The following C2CD2 variants were observed in gnomAD, a reference collection of about 807,000 sequenced individuals.
The protein encoded by C2CD2 is C2 calcium dependent domain containing 2.
Under a neutral mutation model 74.3 loss-of-function variants are expected in C2CD2, and 43 were observed. The ratio of observed to expected loss-of-function variants is 0.58; its 90% CI spans 0.45 to 0.75. The LOEUF (loss-of-function observed/expected upper bound fraction) is 0.75. C2CD2 is among the 30% of genes least tolerant of loss of function. The probability of loss-of-function intolerance (pLI) is 0.00; values close to 1 mark genes in which losing one functional copy is unlikely to be tolerated. For synonymous variants in C2CD2, 422 were observed against 390.7 expected, an observed-to-expected ratio of 1.08 and a Z score of -0.94; for missense variants, 801 against 916.3, an observed-to-expected ratio of 0.87 and a Z score of 1.63.
At chr21:41,935,386 T>C (rs1304784372) in intron 2 of C2CD2, among the ~76,000 whole-genome samples, 2 of 152,248 alleles carry the variant, frequency 1.3e-5, no homozygotes. Context: ...TAAATATTCT[T>C]CTGTGTCTTT....
At chr21:41,940,447 G>A (rs1357198950) in intron 2 of C2CD2, among the ~76,000 whole-genome samples, 1 of 152,184 alleles carries the variant, frequency 6.6e-6, no homozygotes, top group African/African-American at 2.4e-5. Context: ...TGGGGTGAAG[G>A]GGCTGGCAGC....
chr21:41,949,908 T>G (rs1421128164), intron 1 of C2CD2, among the ~76,000 whole-genome samples: 2 of 152,174 alleles, frequency 1.3e-5, no homozygotes, highest in Non-Finnish European at 2.9e-5. Flanking sequence ...AAACACCGCA[T>G]GTTCTCACTC....
chr21:41,916,250 A>AT (rs2065089199), intron 5 of C2CD2, among the ~76,000 whole-genome samples: 1 of 152,010 alleles, frequency 6.6e-6, no homozygotes, highest in African/African-American at 2.4e-5. Flanking sequence ...TGACTGGGCC[A>AT]TGGGGTGCCC....
At chr21:41,950,361 G>A (rs2065440366) in intron 1 of C2CD2, among the ~76,000 whole-genome samples, 1 of 152,184 alleles carries the variant, frequency 6.6e-6, no homozygotes, top group Admixed American at 6.5e-5. Context: ...AGGCAGATCA[G>A]CAATGGTTTC....
chr21:41,917,810 C>G (rs956523544), intron 5 of C2CD2, among the ~76,000 whole-genome samples: 3 of 152,146 alleles, frequency 2.0e-5, no homozygotes, highest in East Asian at 1.9e-4. Context: ...GGGCAATGTT[C>G]TCAACACTGG....
Position 41,937,184 on chromosome 21 carries a change from C to A in C2CD2, c.378+4963G>T, listed in dbSNP as rs984692028. 4.0e-5 allele frequency among the ~76,000 whole-genome samples: 6 copies of A among 151,538 alleles called. No homozygotes were observed. The East Asian group carries it at 9.7e-4, about 25-fold the overall frequency. On this transcript the variant is annotated intron_variant, in intron 2 of 13. Transcript: ENST00000380486. Reference sequence around the variant, plus strand: ...CCAGGCTAGAGTGCAGTGGCTTGATCTCGGCTCACTGCAACCTCCGCCTCC... The same window carrying A: ...CCAGGCTAGAGTGCAGTGGCTTGATATCGGCTCACTGCAACCTCCGCCTCC...
chr21:41,896,513 G>A (rs1318371327), intron 13 of C2CD2, among the ~76,000 whole-genome samples: 1 of 152,028 alleles, frequency 6.6e-6, no homozygotes, highest in Admixed American at 6.5e-5. Context: ...CAGCTCAGTG[G>A]TGCTGAGTAT....
rs375513704 is a variant in C2CD2, at chr21:41,911,548, T to C, written c.953+784A>G. Among the ~76,000 whole-genome samples, 661 of 152,128 alleles carry C rather than the reference T, an allele frequency of 4.3e-3. 5 individuals carry two copies. Among genetic ancestry groups the C allele is most frequent in the African/African-American group, 0.015 (626 of 41,498 alleles). ...CTGTGATTACAGGCACCTGCCACCA[T>C]GTCTGGCTAATTTTTGTACTTTTAG... On this transcript the variant is annotated intron_variant, in intron 7 of 13. Transcript: ENST00000380486.
intron 11 of C2CD2, among the ~76,000 whole-genome samples, chr21:41,904,702 T>C (rs886841818): frequency 2.6e-5 from 4 of 152,166 alleles, no homozygotes; most frequent in African/African-American, 9.7e-5. Flanking sequence ...TCCAACACCA[T>C]GTTAAGACAG....
chr21:41,895,930 C>T lies in C2CD2; in HGVS notation c.1870+3123G>A, dbSNP rs2064816933. Among the ~76,000 whole-genome samples, 1 of 152,190 alleles carries T rather than the reference C, an allele frequency of 6.6e-6. No homozygotes were observed. The highest frequency in any genetic ancestry group is 2.4e-5 in the African/African-American group (1 of 41,448). ...TGATAGAAGCGACTACTTTTTAGCTCTGGAGGACGACAAAAGGAACCAGCT... is the reference window on the plus strand; with the variant it reads ...TGATAGAAGCGACTACTTTTTAGCTTTGGAGGACGACAAAAGGAACCAGCT... On this transcript the variant is annotated intron_variant, in intron 13 of 13. Transcript: ENST00000380486. This position sits in a 1 kb window ranked among gnomAD's most constrained non-coding sequence, Gnocchi z 5.0.
chr21:41,936,080 C>T (rs985627929), intron 2 of C2CD2, among the ~76,000 whole-genome samples: 1 of 151,386 alleles, frequency 6.6e-6, no homozygotes, highest in Non-Finnish European at 1.5e-5. Context: ...ACACAGGCAA[C>T]AAAAACAAAA....
chr21:41,891,195 G>A (rs1265415840), intron 13 of C2CD2, among the ~76,000 whole-genome samples: 1 of 114,300 alleles, frequency 8.7e-6, no homozygotes, highest in Non-Finnish European at 2.0e-5. Flanking sequence ...CAGGAGCTTC[G>A]GAGACTGCTG....
Position 41,899,591 on chromosome 21 carries a change from T to C in C2CD2, c.1561-229A>G, listed in dbSNP as rs1298340651. Reference sequence around the variant, plus strand: ...TCAGGATCCCTAGGCAGCTGGGGGTTGGCCCCCGGGGCTCAGAGGTTAACC... The same window carrying C: ...TCAGGATCCCTAGGCAGCTGGGGGTCGGCCCCCGGGGCTCAGAGGTTAACC... On this transcript the variant is annotated intron_variant, in intron 12 of 13. Transcript: ENST00000380486. The surrounding 1 kb of genome is among the most constrained non-coding windows in gnomAD (Gnocchi z 4.4). Among the ~76,000 whole-genome samples, 1 of 152,106 alleles carries C rather than the reference T, an allele frequency of 6.6e-6. No homozygotes were observed. The highest frequency in any genetic ancestry group is 1.9e-4 in the East Asian group (1 of 5,164).
intron 6 of C2CD2, among the ~76,000 whole-genome samples, chr21:41,913,941 T>TCCC (rs1237849273): frequency 6.6e-6 from 1 of 151,942 alleles, no homozygotes; most frequent in African/African-American, 2.4e-5. Context: ...ACTCCCTACA[T>TCCC]CCCCCTTCAC....
chr21:41,927,154 C>T (rs534247863), intron 2 of C2CD2, among the ~76,000 whole-genome samples: 1 of 152,322 alleles, frequency 6.6e-6, no homozygotes, highest in African/African-American at 2.4e-5. Flanking sequence ...AAATAAACGG[C>T]TAAAGATGTA....
chr21:41,895,496 G>A lies in C2CD2; in HGVS notation c.1870+3557C>T, dbSNP rs899769004. Among the ~76,000 whole-genome samples, 2 of 152,184 alleles carry A rather than the reference G, an allele frequency of 1.3e-5. No individual in the cohort carries two copies. The highest frequency in any genetic ancestry group is 4.8e-5 in the African/African-American group (2 of 41,448). On this transcript the variant is annotated intron_variant, in intron 13 of 13. Transcript: ENST00000380486. The surrounding 1 kb of genome is among the most constrained non-coding windows in gnomAD (Gnocchi z 5.0). ...CTTCTCTACGCCAACAGCAAGAAGC[G>A]AGATTTAGACCTCACCCACAACCTT...
rs1364266955 is a variant in C2CD2 at position 41,926,188 on chromosome 21, C to T, written c.379-4103G>A. ...AGCGAGCTCCCTCGACAACAACCAA[C>T]CATCCCCCAACCTGCATTTTTTTGA... On this transcript the variant is annotated intron_variant, in intron 2 of 13. Transcript: ENST00000380486. This position sits in a 1 kb window ranked among gnomAD's most constrained non-coding sequence, Gnocchi z 8.0. Among the ~76,000 whole-genome samples, 2 of 152,204 alleles carry T rather than the reference C, an allele frequency of 1.3e-5. No individual in the cohort carries two copies. Among genetic ancestry groups the T allele is most frequent in the African/African-American group, 4.8e-5 (2 of 41,446 alleles).
At chr21:41,898,891 C>T (rs977336691) in intron 13 of C2CD2, among the ~76,000 whole-genome samples, 162 bp downstream of exon 13, 1 of 152,146 alleles carries the variant, frequency 6.6e-6, no homozygotes, top group Non-Finnish European at 1.5e-5. Flanking sequence ...ACCACGGGTT[C>T]AAACATTCAG....
chr21:41,952,361 A>G (rs552327900), intron 1 of C2CD2, among the ~76,000 whole-genome samples: 4 of 152,312 alleles, frequency 2.6e-5, no homozygotes, highest in East Asian at 3.9e-4. Context: ...AGGGCCCGCC[A>G]TGGAATATTT....
Sources: gnomAD v4.1 joint callset for allele counts (sites outside exome capture counted in the v4.1 genomes callset) on GRCh38, gnomAD v4.1.1 for gene constraint, Gnocchi (gnomAD v3.1) non-coding constraint, MANE v1.5 for transcripts, NCBI Gene and HGNC (gene_info 2026-07-23, HGNC 2026-07-21) for gene names.